Variants in RFX3 observed in about 807,000 individuals in gnomAD.
RFX3 encodes regulatory factor X3.
A neutral mutation model predicts 98.6 loss-of-function variants in RFX3; 14 were observed. The observed-to-expected ratio is 0.14, with a 90% CI of 0.09 to 0.22. The LOEUF (loss-of-function observed/expected upper bound fraction) is 0.22. Among genes scored for constraint, RFX3 ranks in the 10% least tolerant of loss-of-function variants. The probability of loss-of-function intolerance (pLI) is 1.00; values close to 1 mark genes in which losing one functional copy is unlikely to be tolerated. For missense variants in RFX3, 639 were observed against 926.9 expected (o/e 0.69, Z 4.03); for synonymous variants, 383 against 328.4 (o/e 1.17, Z -1.80).
At chr9:3,500,583 T>G (rs1815888840) in intron 1 of RFX3, among the ~76,000 whole-genome samples, 2 of 152,178 alleles carry the variant, frequency 1.3e-5, no homozygotes, top group Admixed American at 1.3e-4. Flanking sequence ...AAAGAATTAA[T>G]TTGAATACTT....
intron 2 of RFX3, among the ~76,000 whole-genome samples, chr9:3,391,798 C>G (rs1442911294): frequency 6.6e-6 from 1 of 152,130 alleles, no homozygotes; most frequent in Non-Finnish European, 1.5e-5. Context: ...ACTTAAGAAG[C>G]AATCAGGTTC....
At chr9:3,259,447 G>T (rs898003973) in intron 13 of RFX3, among the ~76,000 whole-genome samples, 2 of 151,490 alleles carry the variant, frequency 1.3e-5, no homozygotes, top group African/African-American at 4.8e-5. Flanking sequence ...TGAAACGAAT[G>T]TAGATATTTC....
intron 1 of RFX3, among the ~76,000 whole-genome samples, chr9:3,414,522 T>C (rs1377509316): frequency 6.7e-6 from 1 of 150,298 alleles, no homozygotes; most frequent in Admixed American, 6.7e-5. Flanking sequence ...AGTATATATA[T>C]ATGTGTGTGT....
chr9:3,317,138 C>G (rs189137287), intron 4 of RFX3, among the ~76,000 whole-genome samples: 1 of 152,210 alleles, frequency 6.6e-6, no homozygotes, highest in African/African-American at 2.4e-5. Flanking sequence ...GCTACAGTAA[C>G]CAAAACAGCA....
intron 9 of RFX3, among the ~76,000 whole-genome samples, chr9:3,272,819 A>C (rs1240189624): frequency 6.6e-6 from 1 of 152,212 alleles, no homozygotes; most frequent in Non-Finnish European, 1.5e-5. Context: ...TCCTTACATA[A>C]CAAACTAGTG....
intron 1 of RFX3, among the ~76,000 whole-genome samples, chr9:3,470,517 C>T (rs1011398793): frequency 2.0e-5 from 3 of 150,690 alleles, no homozygotes; most frequent in East Asian, 1.9e-4. Flanking sequence ...TTAGTAGAGA[C>T]GGGGTTTCAC....
At chr9:3,481,592 A>G (rs1849767472) in intron 1 of RFX3, among the ~76,000 whole-genome samples, 1 of 152,016 alleles carries the variant, frequency 6.6e-6, no homozygotes, top group Non-Finnish European at 1.5e-5. Flanking sequence ...AAAAAAAATT[A>G]CATACAAAAA....
At chr9:3,248,433 A>G (rs1331910306) in intron 14 of RFX3, among the ~76,000 whole-genome samples, 1 of 152,214 alleles carries the variant, frequency 6.6e-6, no homozygotes, top group African/African-American at 2.4e-5. Context: ...AAGTCATTCT[A>G]CTATCATGGG....
intron 1 of RFX3, among the ~76,000 whole-genome samples, chr9:3,427,260 C>CTA (rs577418991): frequency 2.2e-5 from 3 of 138,458 alleles, no homozygotes; most frequent in South Asian, 2.2e-4. Context: ...ATATATAATA[C>CTA]TATATATATA....
At chr9:3,521,792 T>C (rs1488410591) in intron 1 of RFX3, among the ~76,000 whole-genome samples, 2 of 152,138 alleles carry the variant, frequency 1.3e-5, no homozygotes, top group Non-Finnish European at 1.5e-5. Context: ...ATTATTTCAG[T>C]AAAGGATGAC....
intron 1 of RFX3, among the ~76,000 whole-genome samples, chr9:3,512,026 T>C (rs747634175): frequency 6.6e-6 from 1 of 152,108 alleles, no homozygotes; most frequent in Non-Finnish European, 1.5e-5. Flanking sequence ...ACGTGACTAC[T>C]ATGCTTTGTA....
At chr9:3,245,590 G>C (rs1385455032) in intron 15 of RFX3, among the ~76,000 whole-genome samples, 1 of 152,122 alleles carries the variant, frequency 6.6e-6, no homozygotes, top group African/African-American at 2.4e-5. Context: ...AAGATAGAAG[G>C]ACATAAAAAA....
intron 1 of RFX3, among the ~76,000 whole-genome samples, chr9:3,409,246 T>C (rs1842253386): frequency 6.6e-6 from 1 of 152,218 alleles, no homozygotes; most frequent in Admixed American, 6.5e-5. Context: ...GAAGATTTCT[T>C]TCTTTTAACA....
intron 4 of RFX3, among the ~76,000 whole-genome samples, chr9:3,309,669 T>C (rs1033012078): frequency 6.6e-6 from 1 of 152,126 alleles, no homozygotes; most frequent in Non-Finnish European, 1.5e-5. Context: ...CAATATTACA[T>C]TTTTTCAAAG....
intron 1 of RFX3, among the ~76,000 whole-genome samples, chr9:3,473,435 C>T (rs531685909): frequency 1.3e-5 from 2 of 152,242 alleles, no homozygotes; most frequent in South Asian, 4.1e-4. Flanking sequence ...TACAGACTAA[C>T]AAAAGTCTAA....
intron 1 of RFX3, among the ~76,000 whole-genome samples, chr9:3,486,718 C>T (rs1434915008): frequency 6.6e-6 from 1 of 152,176 alleles, no homozygotes; most frequent in Non-Finnish European, 1.5e-5. Flanking sequence ...ATTGCTAATA[C>T]ATATTCAATT....
At chr9:3,426,708 G>A (rs1190417255) in intron 1 of RFX3, among the ~76,000 whole-genome samples, 1 of 152,148 alleles carries the variant, frequency 6.6e-6, no homozygotes, top group African/African-American at 2.4e-5. Flanking sequence ...TGTTTCTTAT[G>A]AGAATCTAAT....
chr9:3,266,170 C>T (rs1823607565), intron 12 of RFX3, 38 bp downstream of exon 12: 1 of 1,240,766 alleles, frequency 8.1e-7, no homozygotes, highest in African/African-American at 1.5e-5. Flanking sequence ...AGAATAATTT[C>T]CTCAACACAA....
intron 4 of RFX3, among the ~76,000 whole-genome samples, chr9:3,321,913 C>T (rs1034079757): frequency 6.6e-6 from 1 of 152,084 alleles, no homozygotes; most frequent in Non-Finnish European, 1.5e-5. Flanking sequence ...AACTCACAGG[C>T]AATGCCTCCT....
Sources: gnomAD v4.1 joint callset for allele counts (sites outside exome capture counted in the v4.1 genomes callset) on GRCh38, gnomAD v4.1.1 for gene constraint, MANE v1.5 for transcripts, NCBI Gene and HGNC (gene_info 2026-07-23, HGNC 2026-07-21) for gene names.